The following NRXN1 variants were observed in gnomAD, a reference collection of about 807,000 sequenced individuals.
NRXN1 encodes neurexin 1.
NRXN1 carries 39 observed loss-of-function variants against 150.9 expected under a neutral mutation model. The observed-to-expected ratio is 0.26, with a 90% CI of 0.20 to 0.34. The LOEUF (loss-of-function observed/expected upper bound fraction) is 0.34, where lower values mean the gene tolerates loss of function less well. Ranked by LOEUF, NRXN1 falls within the 10% of genes least tolerant of loss-of-function variation. The pLI is 1.00. For missense variants in NRXN1, 1,815 were observed against 1,949.9 expected (o/e 0.93, Z 1.30); for synonymous variants, 924 against 757.0 (o/e 1.22, Z -3.62).
rs1288860889 is a variant in NRXN1 at position 50,654,036 on chromosome 2, CT to C, written c.833-30422del. On this transcript the variant is annotated intron_variant, in intron 5 of 22. Coordinates refer to ENST00000401669, the MANE Select transcript of NRXN1 (RefSeq NM_001330078.2). ...TTATGCATTTATTCATTCTTTTTCT[CT>C]TTTTTTTTATACTTTAAGTTTTAGG... Among the ~76,000 whole-genome samples the C allele has an allele frequency of 2.5e-3, 313 of 123,120 alleles. 3 individuals are homozygous for C. Among genetic ancestry groups the C allele is most frequent in the African/African-American group, 8.9e-3 (289 of 32,396 alleles). The allele number at this position is 123,120 out of a possible 152,430, so 80.8% of individuals were successfully genotyped here. A position where few individuals can be genotyped will look rare whatever the true frequency, so the allele number is the denominator to read the frequency against.
chr2:50,398,923 G>A (rs1211923361), intron 17 of NRXN1, among the ~76,000 whole-genome samples: 3 of 152,130 alleles, frequency 2.0e-5, no homozygotes, highest in Non-Finnish European at 4.4e-5. Context: ...TAGAGGATAG[G>A]AGGGTAGGTA....
At position 50,346,696 on chromosome 2, in the gene NRXN1, C is replaced by G. The variant is rs975384483; in HGVS notation, c.3365-109726G>C. 6.2e-7 allele frequency: 1 copy of G among 1,613,390 alleles called. No homozygotes were observed. The highest frequency in any genetic ancestry group is 1.1e-5 in the South Asian group (1 of 91,080). ...ACTTGGCATCGCAGACCCACCGTGTCCGCCTCGCAAGGATGCCGGTGACCT... is the reference window on the plus strand; with the variant it reads ...ACTTGGCATCGCAGACCCACCGTGTGCGCCTCGCAAGGATGCCGGTGACCT... On this transcript the variant is annotated intron_variant, in intron 17 of 22. Coordinates refer to ENST00000401669, the MANE Select transcript of NRXN1 (RefSeq NM_001330078.2). The surrounding 1 kb of genome is among the most constrained non-coding windows in gnomAD (Gnocchi z 5.0).
At chr2:50,225,489 A>C (rs747775385) in intron 18 of NRXN1, among the ~76,000 whole-genome samples, 2 of 152,046 alleles carry the variant, frequency 1.3e-5, no homozygotes, top group Non-Finnish European at 2.9e-5. Context: ...AGTAAGTAAC[A>C]CAATAGGATT....
chr2:50,782,270 A>G (rs1326952680), intron 5 of NRXN1, among the ~76,000 whole-genome samples: 1 of 152,054 alleles, frequency 6.6e-6, no homozygotes, highest in Non-Finnish European at 1.5e-5. Flanking sequence ...GGAGTTTGAG[A>G]CCATCCTGGC....
chr2:50,196,968 C>T (rs1434841669), intron 18 of NRXN1, among the ~76,000 whole-genome samples: 2 of 152,122 alleles, frequency 1.3e-5, no homozygotes, highest in Non-Finnish European at 2.9e-5. Flanking sequence ...CTGGGCTTAA[C>T]AGCTTGGTGA....
chr2:50,426,301 A>G lies in NRXN1; in HGVS notation c.3364+39141T>C, dbSNP rs77296152. 2.1e-4 allele frequency among the ~76,000 whole-genome samples: 32 copies of G among 152,328 alleles called. No homozygotes were observed. In the East Asian group the frequency reaches 6.2e-3, roughly 29 times the overall value. On this transcript the variant is annotated intron_variant, in intron 17 of 22. Coordinates refer to ENST00000401669, the MANE Select transcript of NRXN1 (RefSeq NM_001330078.2). ...TAACTGTAAGAGATTGTATAGGTGA[A>G]TGATCTAATTCTCCCAACAAAATCA...
chr2:50,481,979 G>A (rs900866579), intron 15 of NRXN1, among the ~76,000 whole-genome samples: 4 of 137,142 alleles, frequency 2.9e-5, no homozygotes, highest in African/African-American at 7.1e-5. Flanking sequence ...CGTTTTAGCC[G>A]GGATGGTCTC....
At chr2:50,041,545 G>A (rs970862805) in intron 21 of NRXN1, among the ~76,000 whole-genome samples, 2 of 152,126 alleles carry the variant, frequency 1.3e-5, no homozygotes, top group African/African-American at 4.8e-5. Flanking sequence ...CAGACAAACT[G>A]AAAATGTGAA....
At chr2:50,777,347 C>CA (rs1309238777) in intron 5 of NRXN1, among the ~76,000 whole-genome samples, 1 of 151,982 alleles carries the variant, frequency 6.6e-6, no homozygotes, top group Admixed American at 6.6e-5. Context: ...GGTCATATGC[C>CA]TAAAAGCAAA....
intron 5 of NRXN1, among the ~76,000 whole-genome samples, chr2:50,753,098 T>A (rs1003382294): frequency 1.3e-5 from 2 of 151,992 alleles, no homozygotes; most frequent in Non-Finnish European, 2.9e-5. Flanking sequence ...ATCTTGGTGT[T>A]AATTTACTGG....
chr2:50,282,612 A>G (rs1377213939), intron 17 of NRXN1, among the ~76,000 whole-genome samples: 2 of 152,126 alleles, frequency 1.3e-5, no homozygotes, highest in Non-Finnish European at 2.9e-5. Context: ...CTGAGGGACT[A>G]TTATAATTAA....
intron 17 of NRXN1, among the ~76,000 whole-genome samples, chr2:50,396,709 C>T (rs1317098541): frequency 6.6e-6 from 1 of 152,122 alleles, no homozygotes; most frequent in Admixed American, 6.5e-5. Flanking sequence ...CACGCACTCT[C>T]AGGTGAAGTG....
intron 17 of NRXN1, among the ~76,000 whole-genome samples, chr2:50,373,689 AGGAAAGAAAGAAAGAAAGAAAG>A (rs2080264963): frequency 1.7e-5 from 2 of 115,800 alleles, no homozygotes; most frequent in South Asian, 2.7e-4. Flanking sequence ...AAAAGAAAGA[AGGAAAGAAAGAAAGAAAGAAAG>A]AGAAAGAAAG....
At chr2:50,343,852 T>C (rs2077730726) in intron 17 of NRXN1, among the ~76,000 whole-genome samples, 3 of 152,246 alleles carry the variant, frequency 2.0e-5, no homozygotes, top group Non-Finnish European at 2.9e-5. Context: ...TTCTCTATTA[T>C]GAAAGAAAAT....
chr2:50,020,402 A>G (rs550838080), intron 21 of NRXN1, among the ~76,000 whole-genome samples: 1 of 152,348 alleles, frequency 6.6e-6, no homozygotes, highest in African/African-American at 2.4e-5. Context: ...AGCTTATGAA[A>G]CATTCTTGAT....
chr2:50,990,415 A>G (rs1314699242), intron 2 of NRXN1, among the ~76,000 whole-genome samples: 2 of 152,054 alleles, frequency 1.3e-5, no homozygotes, highest in Non-Finnish European at 2.9e-5. Context: ...TTAGCTCATT[A>G]CACTTTTCTT....
At chr2:50,636,884 C>T (rs573292398) in intron 5 of NRXN1, among the ~76,000 whole-genome samples, 25 of 152,096 alleles carry the variant, frequency 1.6e-4, no homozygotes, top group Admixed American at 6.5e-4. Context: ...TGCAAATATA[C>T]GCATAGAAAA....
At chr2:50,251,984 G>C (rs7580821) in intron 17 of NRXN1, among the ~76,000 whole-genome samples, 1 of 151,736 alleles carries the variant, frequency 6.6e-6, no homozygotes, top group Admixed American at 6.6e-5. Context: ...TCTGCAGGTT[G>C]TCTGTTCACT....
At position 49,919,290 on chromosome 2, in the gene NRXN1, C is replaced by CTT. The variant is rs569501265; in HGVS notation, c.*2652_*2653dup. 3.9e-5 allele frequency: 6 copies of CTT among 152,022 alleles called. No homozygotes were observed. In the South Asian group the frequency reaches 1.2e-3, roughly 31 times the overall value. 9.4% of individuals were successfully genotyped at this position (152,022 alleles called of 1,614,324 possible). A position where few individuals can be genotyped will look rare whatever the true frequency, so the allele number is the denominator to read the frequency against. On this transcript the variant is annotated 3_prime_UTR_variant, in exon 23 of 23. Coordinates refer to ENST00000401669, the MANE Select transcript of NRXN1 (RefSeq NM_001330078.2). Reference sequence around the variant, plus strand: ...CTTTCTAACTCTGTTCCTCTCTTTTCTTTTTCCATTGAGGAAAAAATAATT... The same window carrying CTT: ...CTTTCTAACTCTGTTCCTCTCTTTTCTTTTTTTCCATTGAGGAAAAAATAATT...
Sources: allele counts gnomAD v4.1 joint callset (sites outside exome capture counted in the v4.1 genomes callset), GRCh38; gene constraint gnomAD v4.1.1; non-coding constraint Gnocchi (gnomAD v3.1); transcripts MANE v1.5; gene names NCBI Gene and HGNC (gene_info 2026-07-23, HGNC 2026-07-21).